Variants in KDM8 observed in about 807,000 individuals in gnomAD.
The protein encoded by KDM8 is bifunctional peptidase and arginyl-hydroxylase JMJD5.
A neutral mutation model predicts 46.9 loss-of-function variants in KDM8; 35 were observed. The ratio of observed to expected loss-of-function variants is 0.75; its 90% CI spans 0.57 to 0.99. The LOEUF is 0.99. Among genes scored for constraint, KDM8 ranks in the 50% least tolerant of loss-of-function variants. The probability of loss-of-function intolerance (pLI) is 0.00; values close to 1 mark genes in which losing one functional copy is unlikely to be tolerated. For missense variants in KDM8, 475 were observed against 537.0 expected (o/e 0.88, Z 1.14); for synonymous variants, 232 against 227.7 (o/e 1.02, Z -0.17).
chr16:27,215,034 T>C lies in KDM8; in HGVS notation c.798+26T>C, dbSNP rs771803360. On this transcript the variant is annotated intron_variant, in intron 4 of 7. Transcript: ENST00000286096. ...GTACATCATGGGGACTGCTTTCCCC[T>C]AGTACTTGCAAGGCAGAGAGCATAG... 1.2e-5 allele frequency: 19 copies of C among 1,612,158 alleles called. 1 individual carries two copies. The South Asian group carries it at 1.9e-4, about 16-fold the overall frequency.
intron 4 of KDM8, 85 bp downstream of exon 4, chr16:27,215,093 A>G: frequency 6.6e-7 from 1 of 1,516,788 alleles, no homozygotes; most frequent in Non-Finnish European, 9.1e-7. Context: ...ATGTGTTGTA[A>G]TGGGAGGTTT....
rs1424015173 is a variant in KDM8 at position 27,210,236 on chromosome 16, G to GGGAGAAAGTGGAGAGGAGC, written c.115_133dup (p.Val45GlyfsTer16). 8 of 1,613,316 alleles carry GGGAGAAAGTGGAGAGGAGC rather than the reference G, an allele frequency of 5.0e-6. No individual in the cohort carries two copies. Among genetic ancestry groups the GGGAGAAAGTGGAGAGGAGC allele is most frequent in the Non-Finnish European group, 5.9e-6 (7 of 1,180,046 alleles). On this transcript the variant is annotated frameshift_variant, in exon 2 of 8. Coordinates refer to ENST00000286096, the MANE Select transcript of KDM8 (RefSeq NM_024773.3). LOFTEE classifies it high-confidence loss of function. ...AAAGAAGACCTGAAGTTGGACCTCG[G>GGGAGAAAGTGGAGAGGAGC]GGAGAAAGTGGAGAGGAGCGTGGTG...
chr16:27,209,811 C>T (rs1047477291), intron 1 of KDM8, among the ~76,000 whole-genome samples: 1 of 152,188 alleles, frequency 6.6e-6, no homozygotes, highest in Non-Finnish European at 1.5e-5. Context: ...AGGAGTTTGC[C>T]AGGCAGCGGA....
rs527305731 is a variant in KDM8, at chr16:27,216,430, C to G, written c.843+441C>G. Among the ~76,000 whole-genome samples the G allele has an allele frequency of 1.1e-3, 173 of 152,250 alleles. 1 individual carries two copies. Among genetic ancestry groups the G allele is most frequent in the Non-Finnish European group, 1.7e-3 (119 of 68,004 alleles). On this transcript the variant is annotated intron_variant, in intron 5 of 7. Coordinates refer to ENST00000286096, the MANE Select transcript of KDM8 (RefSeq NM_024773.3). ...TGGAGCTGGGGCGCCCAGGAGGGAC[C>G]TGGCTGGTGTGGTGTCTGCCAGGAG...
intron 1 of KDM8, among the ~76,000 whole-genome samples, chr16:27,205,912 G>A (rs1471042918): frequency 6.6e-6 from 1 of 152,204 alleles, no homozygotes; most frequent in Non-Finnish European, 1.5e-5. Flanking sequence ...AGCTCTGGGA[G>A]ACTGATTTGT....
Position 27,214,866 on chromosome 16 carries a change from T to C in KDM8, c.666-10T>C. Reference sequence around the variant, plus strand: ...AGCAGTGACGATGCCAATGTGTGTCTTTCTGCTAGTTTGGAGTATATCCAG... The same window carrying C: ...AGCAGTGACGATGCCAATGTGTGTCCTTCTGCTAGTTTGGAGTATATCCAG... On this transcript the variant is annotated splice_polypyrimidine_tract_variant and intron_variant, in intron 3 of 7. Coordinates refer to ENST00000286096, the MANE Select transcript of KDM8 (RefSeq NM_024773.3). 1 of 1,614,126 alleles carries C rather than the reference T, an allele frequency of 6.2e-7. No individual in the cohort carries two copies. Among genetic ancestry groups the C allele is most frequent in the Non-Finnish European group, 8.5e-7 (1 of 1,179,958 alleles).
intron 2 of KDM8, 21 bp downstream of exon 2, chr16:27,210,642 C>A (rs770178664): frequency 4.0e-6 from 6 of 1,496,530 alleles, no homozygotes; most frequent in Non-Finnish European, 5.3e-6. Context: ...GAGATTCTCC[C>A]CAAGCACACT....
At chr16:27,208,214 G>A (rs950884911) in intron 1 of KDM8, among the ~76,000 whole-genome samples, 1 of 152,240 alleles carries the variant, frequency 6.6e-6, no homozygotes, top group African/African-American at 2.4e-5. Context: ...GATTTGCAAA[G>A]TAGCAGATAG....
intron 1 of KDM8, among the ~76,000 whole-genome samples, chr16:27,209,136 A>G (rs1052327037): frequency 6.6e-6 from 1 of 152,262 alleles, no homozygotes; most frequent in Non-Finnish European, 1.5e-5. Flanking sequence ...CAGCATTGAC[A>G]TGGCGCACAG....
At position 27,203,845 on chromosome 16, in the gene KDM8, A is replaced by G. The variant is rs1170463533; in HGVS notation, c.-32+209A>G. On this transcript the variant is annotated intron_variant, in intron 1 of 7. Transcript: ENST00000286096. Reference sequence around the variant, plus strand: ...CGTCGCCGGCCTGCCCTGCGGGAGGATAAAGGGAAAGGTTCCGCGCGTGCG... The same window carrying G: ...CGTCGCCGGCCTGCCCTGCGGGAGGGTAAAGGGAAAGGTTCCGCGCGTGCG... 9.3e-6 allele frequency: 4 copies of G among 430,180 alleles called. No individual in the cohort carries two copies. The Admixed American group carries it at 1.7e-4, about 18-fold the overall frequency. 26.6% of individuals were successfully genotyped at this position (430,180 alleles called of 1,614,324 possible).
chr16:27,216,299 C>T (rs113084596), intron 5 of KDM8, among the ~76,000 whole-genome samples: 3 of 151,836 alleles, frequency 2.0e-5, no homozygotes, highest in Admixed American at 6.6e-5. Context: ...TGGAGCAGTT[C>T]AAGACCGGTG....
intron 1 of KDM8, among the ~76,000 whole-genome samples, chr16:27,205,712 C>T (rs1224204117): frequency 2.0e-5 from 3 of 152,104 alleles, no homozygotes; most frequent in African/African-American, 7.2e-5. Flanking sequence ...GTGGCGGGCA[C>T]CTGTAATCCC....
At chr16:27,213,927 A>G (rs1192929469) in intron 3 of KDM8, 176 bp downstream of exon 3, 4 of 641,842 alleles carry the variant, frequency 6.2e-6, no homozygotes, top group Non-Finnish European at 1.0e-5. Context: ...CTCTGAATTT[A>G]TGCCGCAGGT....
chr16:27,204,991 A>T (rs2083413401), intron 1 of KDM8, among the ~76,000 whole-genome samples: 1 of 152,180 alleles, frequency 6.6e-6, no homozygotes, highest in Non-Finnish European at 1.5e-5. Context: ...GGGCCAGTGC[A>T]CTCCAGCCTG....
At chr16:27,213,415 G>T in intron 2 of KDM8, 170 bp from the exon 3 acceptor site, 1 of 625,188 alleles carries the variant, frequency 1.6e-6, no homozygotes, top group Non-Finnish European at 2.7e-6. Context: ...TTGATCTCAT[G>T]AGGAGCAAAT....
At chr16:27,219,610 G>A (rs916650842) in intron 6 of KDM8, among the ~76,000 whole-genome samples, 1 of 152,222 alleles carries the variant, frequency 6.6e-6, no homozygotes, top group Admixed American at 6.5e-5. Context: ...AAAGGAGAAC[G>A]TTCTCCTACC....
At chr16:27,204,316 C>A (rs2083407062) in intron 1 of KDM8, 1 of 1,373,134 alleles carries the variant, frequency 7.3e-7, no homozygotes. Context: ...CGGGAGCAAG[C>A]CCGGGGACAG....
intron 3 of KDM8, 120 bp downstream of exon 3, chr16:27,213,871 C>T: frequency 1.0e-6 from 1 of 964,170 alleles, no homozygotes; most frequent in Non-Finnish European, 1.5e-6. Context: ...CACTAGCAGC[C>T]CTTGACTGAT....
rs1337180968 is a variant in KDM8, at chr16:27,210,293, A to G, written c.170A>G (p.Tyr57Cys). 5 of 1,613,168 alleles carry G rather than the reference A, an allele frequency of 3.1e-6. No homozygotes were observed. In the African/African-American group the frequency reaches 6.7e-5, roughly 22 times the overall value. Residue 57 changes from tyrosine to cysteine, a missense_variant, in exon 2 of 8, where the codon TAC becomes TGC. Tyr to Cys is a radical substitution (Grantham distance 194). Transcript: ENST00000286096. ...TTGCAGCGAGCCACTGAGCTCTTCT[A>G]CGAGGGCAGGAGGGACGAGTGTCTG... is the stretch of plus-strand genomic sequence containing the variant. ...TLLQRATELF[Y>C]EGRRDECLQS... is the part of the protein sequence containing the mutation.
Sources: allele counts gnomAD v4.1 joint callset (sites outside exome capture counted in the v4.1 genomes callset), GRCh38; gene constraint gnomAD v4.1.1; transcripts MANE v1.5; gene names NCBI Gene and HGNC (gene_info 2026-07-23, HGNC 2026-07-21).